Variants in USH2A observed in about 807,000 individuals in gnomAD.
USH2A encodes Usher syndrome 2A (autosomal recessive, mild).
In USH2A, 443 loss-of-function variants were observed where a neutral mutation model predicts 538.9. The observed-to-expected ratio is 0.82, with a 90% confidence interval of 0.76 to 0.89. The LOEUF is 0.89. Among genes scored for constraint, USH2A ranks in the 40% least tolerant of loss-of-function variants. The pLI, the probability that USH2A is intolerant of heterozygous loss-of-function variation, is 0.00. For missense variants in USH2A, 6,633 were observed against 6,324.8 expected (o/e 1.05, Z -1.65); for synonymous variants, 2,413 against 2,273.5 (o/e 1.06, Z -1.75).
intron 64 of USH2A, 31 bp downstream of exon 64, chr1:215,670,941 G>A (rs780717009): frequency 6.2e-7 from 1 of 1,611,066 alleles, no homozygotes; most frequent in South Asian, 1.1e-5. Flanking sequence ...CAAACAATCA[G>A]CTCGAATTGT....
intron 30 of USH2A, among the ~76,000 whole-genome samples, chr1:216,057,253 A>G (rs2031008021): frequency 6.6e-6 from 1 of 152,194 alleles, no homozygotes. Flanking sequence ...TGCATTACCT[A>G]ATGAAATCTT....
chr1:215,757,906 G>T (rs1214397024), intron 58 of USH2A, among the ~76,000 whole-genome samples: 1 of 152,144 alleles, frequency 6.6e-6, no homozygotes, highest in Admixed American at 6.5e-5. Context: ...AAAAGGAATG[G>T]TATAATGTCA....
intron 15 of USH2A, among the ~76,000 whole-genome samples, chr1:216,208,172 A>T (rs1341539674): frequency 2.0e-5 from 3 of 151,926 alleles, no homozygotes; most frequent in Non-Finnish European, 4.4e-5. Context: ...TTTGAGAGTG[A>T]ATTTTCTTTT....
intron 9 of USH2A, among the ~76,000 whole-genome samples, chr1:216,309,817 C>T (rs2037386953): frequency 6.6e-6 from 1 of 151,918 alleles, no homozygotes; most frequent in Non-Finnish European, 1.5e-5. Flanking sequence ...TAATTTTTCC[C>T]CTTTAGCCTG....
At chr1:215,646,981 G>A (rs973313577) in intron 67 of USH2A, among the ~76,000 whole-genome samples, 1 of 152,192 alleles carries the variant, frequency 6.6e-6, no homozygotes, top group Admixed American at 6.5e-5. Flanking sequence ...TACATTCTAT[G>A]ATATTTTCAC....
intron 60 of USH2A, among the ~76,000 whole-genome samples, chr1:215,730,077 G>C (rs73088826): frequency 0.041 from 6,174 of 152,210 alleles, 382 homozygotes; most frequent in African/African-American, 0.13. Flanking sequence ...AGGGAAACTA[G>C]GGCCAAATGC....
chr1:215,874,663 T>A (rs567479265), intron 43 of USH2A, among the ~76,000 whole-genome samples: 1 of 152,296 alleles, frequency 6.6e-6, no homozygotes, highest in South Asian at 2.1e-4. Context: ...AGATGTCTAG[T>A]GAATCTTAAT....
rs191921437 is a variant in USH2A, at chr1:216,254,006, C to T, written c.1972-2908G>A. Among the ~76,000 whole-genome samples the T allele has an allele frequency of 2.3e-3, 353 of 152,206 alleles. No individual in the cohort carries two copies. The Middle Eastern group carries it at 0.034, about 15-fold the overall frequency. On this transcript the variant is annotated intron_variant, in intron 11 of 71. Coordinates refer to ENST00000307340, the MANE Select transcript of USH2A (RefSeq NM_206933.4). The stretch of plus-strand genomic sequence containing the variant: ...CTTTACATGGTCACTTTTTCACAGA[C>T]ATCTCAAAAGTGTATAATATTGCCT...
chr1:215,663,479 C>T (rs973960378), intron 64 of USH2A, among the ~76,000 whole-genome samples: 1 of 152,206 alleles, frequency 6.6e-6, no homozygotes, highest in African/African-American at 2.4e-5. Context: ...CAAGGATTGT[C>T]AATATCTCAC....
At chr1:216,408,750 G>A (rs946117664) in intron 3 of USH2A, among the ~76,000 whole-genome samples, 1 of 152,112 alleles carries the variant, frequency 6.6e-6, no homozygotes, top group Admixed American at 6.6e-5. Flanking sequence ...GTGAAATACA[G>A]TTTCCTTGAA....
intron 67 of USH2A, 103 bp from the exon 68 acceptor site, chr1:215,640,837 A>C: frequency 1.1e-6 from 1 of 945,270 alleles, no homozygotes; most frequent in Non-Finnish European, 1.5e-6. Context: ...AACCGAACCA[A>C]TCCAAACAAA....
chr1:216,267,275 A>T (rs545787712), intron 11 of USH2A, among the ~76,000 whole-genome samples: 4 of 152,252 alleles, frequency 2.6e-5, no homozygotes, highest in African/African-American at 9.6e-5. Flanking sequence ...AGCTTTGTTT[A>T]AAAAGACAGA....
chr1:216,323,435 T>C, intron 8 of USH2A, 39 bp downstream of exon 8: 1 of 1,601,144 alleles, frequency 6.2e-7, no homozygotes, highest in South Asian at 1.1e-5. Flanking sequence ...ACAGTAAGTA[T>C]GACAAAAACC....
At chr1:216,327,958 T>G (rs988470919) in intron 4 of USH2A, among the ~76,000 whole-genome samples, 1 of 152,104 alleles carries the variant, frequency 6.6e-6, no homozygotes, top group Non-Finnish European at 1.5e-5. Context: ...TCTCTCTAGT[T>G]TATAACTCCA....
chr1:215,647,529 T>C lies in USH2A; in HGVS notation c.14784A>G (p.Gln4928=). 6.2e-7 allele frequency: 1 copy of C among 1,613,970 alleles called. No individual in the cohort carries two copies. The highest frequency in any genetic ancestry group is 1.1e-5 in the South Asian group (1 of 91,062). ...GCAGCCACTTATACTCACATTCTTT[T>C]TGGGTGGTGAAACTGATCCACTCGG... ...TASEWISFTT[Q]KELPQYRAPF... is the part of the protein sequence containing the mutation. The change falls in exon 67 of 72, where the codon CAA becomes CAG. Residue 4928 remains glutamine, a synonymous_variant. Transcript: ENST00000307340.
At chr1:216,367,833 C>T (rs138788911) in intron 3 of USH2A, among the ~76,000 whole-genome samples, 2,117 of 152,308 alleles carry the variant, frequency 0.014, 15 homozygotes, top group South Asian at 0.027. Flanking sequence ...TGCCATAGCT[C>T]ATTCCGATGG....
chr1:215,740,427 C>T lies in USH2A; in HGVS notation c.11711+948G>A, dbSNP rs541237668. 5.9e-5 allele frequency among the ~76,000 whole-genome samples: 9 copies of T among 152,036 alleles called. No individual in the cohort carries two copies. In the South Asian group the frequency reaches 1.9e-3, roughly 32 times the overall value. ...CTCAATCTTTCTCTTCCTCTCTTCC[C>T]TATTGTCTCTTTTCTTTATTTTAGG... On this transcript the variant is annotated intron_variant, in intron 60 of 71. Transcript: ENST00000307340.
chr1:216,257,712 T>A (rs2036285649), intron 11 of USH2A, among the ~76,000 whole-genome samples: 1 of 152,028 alleles, frequency 6.6e-6, no homozygotes, highest in African/African-American at 2.4e-5. Flanking sequence ...GTCCCACAGC[T>A]CACAAATGCT....
At chr1:215,787,021 A>G in intron 51 of USH2A, 147 bp from the exon 52 acceptor site, 8 of 788,198 alleles carry the variant, frequency 1.0e-5, no homozygotes, top group Non-Finnish European at 1.6e-5. Flanking sequence ...AAAAGAAATG[A>G]AGGCAGTTTG....
Sources: allele counts gnomAD v4.1 joint callset (sites outside exome capture counted in the v4.1 genomes callset), GRCh38; gene constraint gnomAD v4.1.1; transcripts MANE v1.5; gene names NCBI Gene and HGNC (gene_info 2026-07-23, HGNC 2026-07-21).